The following SUMF1 variants were observed in gnomAD, a reference collection of about 807,000 sequenced individuals.
SUMF1 encodes the protein sulfatase modifying factor 1.
SUMF1 carries 48 observed loss-of-function variants against 47.6 expected under a neutral mutation model. The ratio of observed to expected loss-of-function variants is 1.01; its 90% confidence interval spans 0.80 to 1.28. The LOEUF (loss-of-function observed/expected upper bound fraction) is 1.28. SUMF1 is among the 50% of genes most tolerant of loss of function. The probability of loss-of-function intolerance (pLI) is 0.00; values close to 1 mark genes in which losing one functional copy is unlikely to be tolerated. For missense variants in SUMF1, 571 were observed against 485.4 expected (o/e 1.18, Z -1.66); for synonymous variants, 230 against 192.1 (o/e 1.20, Z -1.63).
At chr3:4,143,717 GGTAA>G (rs1694125611) in intron 8 of SUMF1, among the ~76,000 whole-genome samples, 2 of 152,066 alleles carry the variant, frequency 1.3e-5, no homozygotes, top group Non-Finnish European at 2.9e-5. Context: ...CAGGGAGTTA[GGTAA>G]CTTTCCCAAG....
chr3:4,459,074 C>T (rs1224961232), intron 1 of SUMF1, among the ~76,000 whole-genome samples: 1 of 151,978 alleles, frequency 6.6e-6, no homozygotes, highest in Admixed American at 6.6e-5. Context: ...GTTGATCAGA[C>T]GGTACAAAAT....
chr3:4,334,903 C>T (rs1019436918), intron 8 of SUMF1, among the ~76,000 whole-genome samples: 3 of 152,168 alleles, frequency 2.0e-5, no homozygotes, highest in Admixed American at 6.5e-5. Context: ...TCCTGTAAAA[C>T]AGTTTATCTT....
chr3:4,153,536 T>A (rs1252062161), intron 8 of SUMF1, among the ~76,000 whole-genome samples: 1 of 148,682 alleles, frequency 6.7e-6, no homozygotes, highest in Non-Finnish European at 1.5e-5. Context: ...TTTTTTTTTT[T>A]ACTGTATTTC....
chr3:4,335,337 A>G (rs1007888315), intron 8 of SUMF1, among the ~76,000 whole-genome samples: 10 of 152,124 alleles, frequency 6.6e-5, no homozygotes, highest in Admixed American at 2.0e-4. Flanking sequence ...AAATTTACAT[A>G]TAGCCTAGAT....
At chr3:4,193,918 G>A (rs942810445) in intron 8 of SUMF1, among the ~76,000 whole-genome samples, 4 of 152,110 alleles carry the variant, frequency 2.6e-5, no homozygotes, top group Non-Finnish European at 5.9e-5. Flanking sequence ...TGACATGTAA[G>A]AATGAATATT....
At chr3:4,329,781 A>G (rs551520623) in intron 8 of SUMF1, among the ~76,000 whole-genome samples, 8 of 150,790 alleles carry the variant, frequency 5.3e-5, no homozygotes, top group African/African-American at 1.5e-4. Flanking sequence ...TTTTTTTCCT[A>G]TCACATCATC....
chr3:4,421,492 CTTTT>C (rs1011228013), intron 3 of SUMF1, among the ~76,000 whole-genome samples: 3 of 151,988 alleles, frequency 2.0e-5, no homozygotes, highest in African/African-American at 7.2e-5. Context: ...GCAAATGATT[CTTTT>C]TGAGACAGGG....
chr3:4,088,469 A>G (rs1215460713), intron 8 of SUMF1, among the ~76,000 whole-genome samples: 1 of 152,054 alleles, frequency 6.6e-6, no homozygotes, highest in Non-Finnish European at 1.5e-5. Context: ...CAAGGCCTTC[A>G]AGAGCCATCC....
At chr3:4,425,624 G>A (rs1559292265) in intron 3 of SUMF1, among the ~76,000 whole-genome samples, 1 of 152,130 alleles carries the variant, frequency 6.6e-6, no homozygotes, top group South Asian at 2.1e-4. Flanking sequence ...TCAAGAAGAT[G>A]TACCATCTTC....
At chr3:4,250,482 C>A (rs1301203896) in intron 8 of SUMF1, among the ~76,000 whole-genome samples, 2 of 151,852 alleles carry the variant, frequency 1.3e-5, no homozygotes, top group Non-Finnish European at 1.5e-5. Context: ...GAAGATATAG[C>A]CAAGATAATT....
chr3:4,443,860 T>C (rs1702689963), intron 3 of SUMF1, among the ~76,000 whole-genome samples: 1 of 151,856 alleles, frequency 6.6e-6, no homozygotes, highest in Admixed American at 6.6e-5. Flanking sequence ...AAGAAAGATA[T>C]AAGAAGTTCC....
chr3:4,351,471 TTTTCC>T (rs66705241), intron 8 of SUMF1, among the ~76,000 whole-genome samples: 23,366 of 152,070 alleles, frequency 0.15, 1,853 homozygotes, highest in Middle Eastern at 0.23. Flanking sequence ...CGCAGCACAC[TTTTCC>T]TTTCATTCTT....
chr3:4,137,285 T>C (rs904285666), intron 8 of SUMF1, among the ~76,000 whole-genome samples: 33 of 152,098 alleles, frequency 2.2e-4, no homozygotes, highest in African/African-American at 7.5e-4. Context: ...TGGAATACTC[T>C]GCAGCCATAA....
intron 8 of SUMF1, among the ~76,000 whole-genome samples, chr3:4,103,358 A>AGTCTAG (rs1244456600): frequency 6.6e-6 from 1 of 152,144 alleles, no homozygotes; most frequent in Non-Finnish European, 1.5e-5. Context: ...ATAACCACAC[A>AGTCTAG]GTCTAGTACT....
intron 8 of SUMF1, among the ~76,000 whole-genome samples, chr3:4,105,688 C>G (rs1430866350): frequency 6.6e-6 from 1 of 152,010 alleles, no homozygotes; most frequent in Non-Finnish European, 1.5e-5. Flanking sequence ...GTTTGGGGAA[C>G]TAAAATTTTT....
chr3:4,146,887 T>G (rs7636771), intron 8 of SUMF1, among the ~76,000 whole-genome samples: 5,114 of 152,200 alleles, frequency 0.034, 315 homozygotes, highest in African/African-American at 0.12. Context: ...TATGGCTGCA[T>G]AGTATTCCAT....
intron 8 of SUMF1, among the ~76,000 whole-genome samples, chr3:4,200,898 A>G (rs763243712): frequency 1.8e-4 from 28 of 152,248 alleles, no homozygotes; most frequent in Non-Finnish European, 3.2e-4. Context: ...CCACTGATCT[A>G]TAGTTTATAT....
At chr3:4,243,197 T>A (rs1286832546) in intron 8 of SUMF1, among the ~76,000 whole-genome samples, 1 of 152,192 alleles carries the variant, frequency 6.6e-6, no homozygotes, top group African/African-American at 2.4e-5. Context: ...ATTTTGTTGA[T>A]CTTTTCAATA....
chr3:4,259,681 G>A (rs1224833280), intron 8 of SUMF1, among the ~76,000 whole-genome samples: 3 of 152,134 alleles, frequency 2.0e-5, no homozygotes, highest in Non-Finnish European at 2.9e-5. Flanking sequence ...GAATAATTCT[G>A]TATTCAACTC....
Sources: gnomAD v4.1 joint callset for allele counts (sites outside exome capture counted in the v4.1 genomes callset) on GRCh38, gnomAD v4.1.1 for gene constraint, MANE v1.5 for transcripts, NCBI Gene and HGNC (gene_info 2026-07-23, HGNC 2026-07-21) for gene names.